The following ANK2 variants were observed in gnomAD, a reference collection of about 807,000 sequenced individuals.
ANK2 encodes ankyrin 2.
ANK2 carries 83 observed loss-of-function variants against 360.5 expected under a neutral mutation model. The ratio of observed to expected loss-of-function variants is 0.23; its 90% CI spans 0.19 to 0.28. ANK2 has a LOEUF of 0.28. Ranked by LOEUF, ANK2 falls within the 10% of genes least tolerant of loss-of-function variation. ANK2 has a pLI of 1.00. For missense variants in ANK2, 4,201 were observed against 4,795.7 expected, an observed-to-expected ratio of 0.88 and a Z score of 3.66; for synonymous variants, 1,740 against 1,759.5, an observed-to-expected ratio of 0.99 and a Z score of 0.28.
chr4:112,813,254 C>CA (rs1308553677), upstream of ANK2, among the ~76,000 whole-genome samples: 99 of 127,642 alleles, frequency 7.8e-4, no homozygotes, highest in African/African-American at 2.1e-3. Flanking sequence ...AAAAAAAAAT[C>CA]AAAAAAAAAA....
Position 113,135,124 on chromosome 4 carries a change from A to G in ANK2, c.85-39292A>G, listed in dbSNP as rs190064417. ...TTCTGTGAGTATTTATTGTAGGCTG[A>G]TAACTGTGGGGTGTTTTTGCATTTA... On this transcript the variant is annotated intron_variant, in intron 1 of 45. Coordinates refer to ENST00000357077, the MANE Select transcript of ANK2 (RefSeq NM_001148.6). Among the ~76,000 whole-genome samples, 9 of 152,344 alleles carry G rather than the reference A, an allele frequency of 5.9e-5. No homozygotes were observed. The East Asian group carries it at 1.7e-3, about 29-fold the overall frequency.
At chr4:112,771,625 G>A in the ANK2 span, among the ~76,000 whole-genome samples, 3 of 149,904 alleles carry the variant, frequency 2.0e-5, no homozygotes, top group Non-Finnish European at 4.4e-5. Context: ...TCACTCTTTC[G>A]CCCAGGCCGG....
the ANK2 span, among the ~76,000 whole-genome samples, chr4:112,800,073 A>G: frequency 1.2e-4 from 18 of 152,290 alleles, no homozygotes; most frequent in Admixed American, 4.6e-4. Context: ...CATTGGGTCA[A>G]TGAAATGGAG....
chr4:113,113,126 T>C (rs931081417), intron 1 of ANK2, among the ~76,000 whole-genome samples: 5 of 152,106 alleles, frequency 3.3e-5, no homozygotes, highest in Admixed American at 6.6e-5. Context: ...CACCATGAAC[T>C]TGATTAGAAT....
chr4:112,843,021 T>C (rs1380424294), intron 1 of ANK2, among the ~76,000 whole-genome samples: 2 of 152,200 alleles, frequency 1.3e-5, no homozygotes, highest in Non-Finnish European at 2.9e-5. Flanking sequence ...CTGGTTCTGT[T>C]GTCACATCAC....
At chr4:112,794,279 G>C in the ANK2 span, among the ~76,000 whole-genome samples, 1 of 152,164 alleles carries the variant, frequency 6.6e-6, no homozygotes, top group African/African-American at 2.4e-5. Context: ...TTGTTGATGT[G>C]TATTAAGATT....
chr4:113,266,156 T>C (rs1322439285), intron 14 of ANK2, among the ~76,000 whole-genome samples: 3 of 152,186 alleles, frequency 2.0e-5, no homozygotes, highest in African/African-American at 7.2e-5. Context: ...CCTCCCTGTG[T>C]CCATGTGTTC....
chr4:112,846,142 G>T (rs1442298377), intron 1 of ANK2, among the ~76,000 whole-genome samples: 1 of 151,588 alleles, frequency 6.6e-6, no homozygotes, highest in Admixed American at 6.6e-5. Flanking sequence ...TTGAGATAGG[G>T]TCTCACTTTG....
the ANK2 span, among the ~76,000 whole-genome samples, chr4:112,759,608 G>C: frequency 6.6e-6 from 1 of 152,222 alleles, no homozygotes; most frequent in South Asian, 2.1e-4. Context: ...AGGTAGGGGG[G>C]TGAGTAAATC....
intron 2 of ANK2, among the ~76,000 whole-genome samples, chr4:113,016,920 T>C (rs2056805943): frequency 6.6e-6 from 1 of 152,124 alleles, no homozygotes; most frequent in African/African-American, 2.4e-5. Context: ...TTGGAGTGCT[T>C]GAGGGGTCAC....
At chr4:112,738,863 CAACAAACAAACA>C in the ANK2 span, 4 of 655,348 alleles carry the variant, frequency 6.1e-6, no homozygotes, top group East Asian at 1.1e-4. Flanking sequence ...GGAGCAACAA[CAACAAACAAACA>C]AACAAACAAA....
intron 17 of ANK2, among the ~76,000 whole-genome samples, chr4:113,282,369 A>G (rs1002222807): frequency 6.6e-6 from 1 of 152,228 alleles, no homozygotes; most frequent in African/African-American, 2.4e-5. Context: ...ATGGTCATGT[A>G]GAAGAGGAAC....
intron 2 of ANK2, among the ~76,000 whole-genome samples, chr4:112,981,467 C>A (rs563936926): frequency 1.1e-3 from 163 of 152,062 alleles, no homozygotes; most frequent in Non-Finnish European, 1.3e-3. Context: ...AGGGTGATAA[C>A]CTGGAATGAA....
chr4:112,930,884 T>A (rs1286621587), intron 2 of ANK2, among the ~76,000 whole-genome samples: 1 of 142,680 alleles, frequency 7.0e-6, no homozygotes, highest in Non-Finnish European at 1.5e-5. Flanking sequence ...CAAGACTCCA[T>A]CTCGAGAGAA....
chr4:112,799,550 T>G, the ANK2 span, among the ~76,000 whole-genome samples: 5 of 152,054 alleles, frequency 3.3e-5, no homozygotes, highest in Non-Finnish European at 7.4e-5. Flanking sequence ...GAAGTCTCGC[T>G]GTGTCACCCC....
At chr4:113,132,823 A>G (rs556765099) in intron 1 of ANK2, among the ~76,000 whole-genome samples, 4 of 152,310 alleles carry the variant, frequency 2.6e-5, no homozygotes, top group Non-Finnish European at 2.9e-5. Context: ...GAATCAAGGA[A>G]AAAGGGGCTG....
intron 2 of ANK2, among the ~76,000 whole-genome samples, chr4:112,919,636 A>G (rs2090935639): frequency 1.3e-5 from 2 of 152,174 alleles, no homozygotes; most frequent in South Asian, 4.1e-4. Flanking sequence ...ATTTTCCTTA[A>G]CAAAAAGTAA....
the ANK2 span, among the ~76,000 whole-genome samples, chr4:112,782,286 A>G: frequency 6.6e-6 from 1 of 152,212 alleles, no homozygotes; most frequent in Non-Finnish European, 1.5e-5. Flanking sequence ...TGTGAAGGCA[A>G]AATGATTTGA....
At chr4:112,875,914 CTTTTTTCTTTTTTT>C (rs1433301058) in intron 1 of ANK2, among the ~76,000 whole-genome samples, 2 of 146,448 alleles carry the variant, frequency 1.4e-5, no homozygotes, top group African/African-American at 2.5e-5. Context: ...GCTAATTTTT[CTTTTTTCTTTTTTT>C]TTTTTTTTTA....
Sources: allele counts gnomAD v4.1 joint callset (sites outside exome capture counted in the v4.1 genomes callset), GRCh38; gene constraint gnomAD v4.1.1; transcripts MANE v1.5; gene names NCBI Gene and HGNC (gene_info 2026-07-23, HGNC 2026-07-21).